SLC22A23: variants seen among roughly 807,000 people sequenced by gnomAD.
SLC22A23 encodes ion transporter protein.
SLC22A23 carries 26 observed loss-of-function variants against 61.0 expected under a neutral mutation model. The ratio of observed to expected loss-of-function variants is 0.43; its 90% CI spans 0.31 to 0.59. The LOEUF is 0.59. SLC22A23 is among the 20% of genes least tolerant of loss of function. SLC22A23 has a pLI of 0.11. For missense variants in SLC22A23, 796 were observed against 934.7 expected, an observed-to-expected ratio of 0.85 and a Z score of 1.94; for synonymous variants, 430 against 413.9, an observed-to-expected ratio of 1.04 and a Z score of -0.47.
At chr6:3,364,269 C>A (rs919698639) in intron 3 of SLC22A23, among the ~76,000 whole-genome samples, 1 of 152,154 alleles carries the variant, frequency 6.6e-6, no homozygotes, top group Non-Finnish European at 1.5e-5. Flanking sequence ...TGAGTGCATT[C>A]GATTTTCACG....
chr6:3,411,077 G>A (rs562586610), intron 2 of SLC22A23, among the ~76,000 whole-genome samples: 1 of 152,332 alleles, frequency 6.6e-6, no homozygotes, highest in South Asian at 2.1e-4. Context: ...TCAGATCAGT[G>A]ACCACTAGGG....
At position 3,345,511 on chromosome 6, in the gene SLC22A23, A is replaced by T. The variant is rs909571759; in HGVS notation, c.914-21509T>A. ...CTCCTGAGTAGCTGGGATTACAGGTATGCACCAACACACCTGGCTAATTTT... is the reference window on the plus strand; with the variant it reads ...CTCCTGAGTAGCTGGGATTACAGGTTTGCACCAACACACCTGGCTAATTTT... On this transcript the variant is annotated intron_variant, in intron 3 of 9. Transcript: ENST00000406686. Among the ~76,000 whole-genome samples the T allele has an allele frequency of 3.3e-5, 5 of 151,796 alleles. No homozygotes were observed. In the East Asian group the frequency reaches 9.7e-4, roughly 29 times the overall value.
Position 3,386,863 on chromosome 6 carries a change from G to A in SLC22A23, c.913+23325C>T, listed in dbSNP as rs960086693. On this transcript the variant is annotated intron_variant, in intron 3 of 9. Coordinates refer to ENST00000406686, the MANE Select transcript of SLC22A23 (RefSeq NM_015482.2). This position sits in a 1 kb window ranked among gnomAD's most constrained non-coding sequence, Gnocchi z 4.4. ...AACAAGGACTTGCTTCCACAGGGCC[G>A]GCACCCCAGGGCGGGGCAGGCACCC... 5.3e-5 allele frequency among the ~76,000 whole-genome samples: 8 copies of A among 152,156 alleles called. No individual in the cohort carries two copies. The highest frequency in any genetic ancestry group is 8.8e-5 in the Non-Finnish European group (6 of 68,030).
At chr6:3,445,768 A>G (rs1771864082) in intron 1 of SLC22A23, among the ~76,000 whole-genome samples, 1 of 152,124 alleles carries the variant, frequency 6.6e-6, no homozygotes, top group Non-Finnish European at 1.5e-5. Flanking sequence ...AGGCAGTGAG[A>G]GAGACCGGGC....
intron 3 of SLC22A23, among the ~76,000 whole-genome samples, chr6:3,353,497 A>G (rs926689782): frequency 6.6e-6 from 1 of 152,206 alleles, no homozygotes; most frequent in Non-Finnish European, 1.5e-5. Flanking sequence ...GCTGGGATTC[A>G]CGATGTCACC....
chr6:3,305,719 C>T (rs903018758), intron 4 of SLC22A23, among the ~76,000 whole-genome samples: 3 of 152,036 alleles, frequency 2.0e-5, no homozygotes, highest in Non-Finnish European at 2.9e-5. Context: ...TCAGGAAGCA[C>T]GGTGGGTAGC....
intron 3 of SLC22A23, among the ~76,000 whole-genome samples, chr6:3,361,008 G>A (rs1000859281): frequency 6.6e-6 from 1 of 152,070 alleles, no homozygotes; most frequent in African/African-American, 2.4e-5. Context: ...GCCACAGAAG[G>A]TGTCCCACAT....
At chr6:3,361,412 T>C (rs576348664) in intron 3 of SLC22A23, among the ~76,000 whole-genome samples, 24 of 151,872 alleles carry the variant, frequency 1.6e-4, no homozygotes, top group Non-Finnish European at 3.4e-4. Flanking sequence ...GGCTGGATTC[T>C]CAAGCAGCAT....
chr6:3,417,663 G>A (rs1232811491), intron 1 of SLC22A23, among the ~76,000 whole-genome samples: 1 of 152,230 alleles, frequency 6.6e-6, no homozygotes, highest in Non-Finnish European at 1.5e-5. Context: ...AAGCACAGCA[G>A]TGTGGTTCGG....
chr6:3,419,580 G>A (rs899097619), intron 1 of SLC22A23, among the ~76,000 whole-genome samples: 9 of 152,160 alleles, frequency 5.9e-5, no homozygotes, highest in Middle Eastern at 3.2e-3. Context: ...GCAAGGGTTG[G>A]GTGGTCTGGG....
chr6:3,368,401 A>G (rs1470735322), intron 3 of SLC22A23, among the ~76,000 whole-genome samples: 4 of 152,210 alleles, frequency 2.6e-5, no homozygotes, highest in Non-Finnish European at 5.9e-5. Context: ...AACTCTATGC[A>G]TGTGTGCATG....
intron 3 of SLC22A23, among the ~76,000 whole-genome samples, chr6:3,384,566 C>T (rs1314295752): frequency 6.6e-6 from 1 of 152,128 alleles, no homozygotes; most frequent in Non-Finnish European, 1.5e-5. Flanking sequence ...TGAACTTGAA[C>T]CTTAATTACC....
At chr6:3,447,690 G>A (rs561795740) in intron 1 of SLC22A23, among the ~76,000 whole-genome samples, 15 of 146,728 alleles carry the variant, frequency 1.0e-4, no homozygotes, top group South Asian at 4.4e-4. Flanking sequence ...CCGGGTTCAC[G>A]CCATTCTCCT....
intron 3 of SLC22A23, among the ~76,000 whole-genome samples, chr6:3,340,300 A>T (rs1051260247): frequency 5.9e-5 from 9 of 152,200 alleles, no homozygotes; most frequent in Non-Finnish European, 1.3e-4. Flanking sequence ...TGTCAGAGTC[A>T]AAGAAAGTGA....
chr6:3,425,120 CATAATTATTAT>C, intron 1 of SLC22A23, among the ~76,000 whole-genome samples: 1 of 151,824 alleles, frequency 6.6e-6, no homozygotes, highest in East Asian at 1.9e-4. Flanking sequence ...ATAATTAATA[CATAATTATTAT>C]ACCAAATTTA....
intron 4 of SLC22A23, among the ~76,000 whole-genome samples, chr6:3,323,111 T>C (rs1240092578): frequency 3.3e-5 from 5 of 152,150 alleles, no homozygotes; most frequent in African/African-American, 9.7e-5. Flanking sequence ...GTGTTTAGTG[T>C]TCCCCCCGTA....
intron 4 of SLC22A23, among the ~76,000 whole-genome samples, chr6:3,300,560 T>G (rs1158318560): frequency 1.3e-5 from 2 of 152,180 alleles, no homozygotes; most frequent in East Asian, 3.8e-4. Flanking sequence ...TGCTGGTGCC[T>G]TAATCCTGGA....
At chr6:3,321,712 A>T (rs1762964172) in intron 4 of SLC22A23, among the ~76,000 whole-genome samples, 1 of 152,194 alleles carries the variant, frequency 6.6e-6, no homozygotes, top group South Asian at 2.1e-4. Flanking sequence ...AGGTGGGTGC[A>T]GAGCCTGGGG....
At chr6:3,374,703 G>A (rs532580034) in intron 3 of SLC22A23, among the ~76,000 whole-genome samples, 4 of 152,320 alleles carry the variant, frequency 2.6e-5, no homozygotes, top group African/African-American at 4.8e-5. Context: ...TAGCTGGGCC[G>A]AAGCCCTGAA....
Sources: allele counts gnomAD v4.1 joint callset (sites outside exome capture counted in the v4.1 genomes callset), GRCh38; gene constraint gnomAD v4.1.1; non-coding constraint Gnocchi (gnomAD v3.1); transcripts MANE v1.5; gene names NCBI Gene and HGNC (gene_info 2026-07-23, HGNC 2026-07-21).